Variants in CDH2 observed in about 807,000 individuals in gnomAD.
CDH2 encodes cadherin-2.
In CDH2, 17 loss-of-function variants were observed where a neutral mutation model predicts 92.0. The observed-to-expected ratio is 0.18, with a 90% CI of 0.13 to 0.28. The LOEUF is 0.28. Among genes scored for constraint, CDH2 ranks in the 10% least tolerant of loss-of-function variants. The pLI is 1.00. For synonymous variants in CDH2, 419 were observed against 415.9 expected, an observed-to-expected ratio of 1.01 and a Z score of -0.09; for missense variants, 862 against 1,133.1, an observed-to-expected ratio of 0.76 and a Z score of 3.44.
At chr18:27,945,071 C>T (rs2143839394) in intron 6 of CDH2, among the ~76,000 whole-genome samples, 1 of 152,278 alleles carries the variant, frequency 6.6e-6, no homozygotes, top group Admixed American at 6.5e-5. Context: ...AATAATCTCT[C>T]TCAAACTTGT....
intron 14 of CDH2, among the ~76,000 whole-genome samples, chr18:27,964,329 C>CTAT (rs2011485593): frequency 6.6e-6 from 1 of 152,168 alleles, no homozygotes; most frequent in Non-Finnish European, 1.5e-5. Context: ...GCCCTCAGAA[C>CTAT]TATTTTTAGC....
chr18:28,030,011 T>G (rs1567971255), intron 2 of CDH2, among the ~76,000 whole-genome samples: 1 of 152,124 alleles, frequency 6.6e-6, no homozygotes, highest in African/African-American at 2.4e-5. Context: ...CCATTTACAT[T>G]TCTCAATCTG....
intron 12 of CDH2, 106 bp from the exon 13 acceptor site, chr18:27,985,339 CG>C (rs2143953140): frequency 6.3e-6 from 5 of 788,774 alleles, no homozygotes; most frequent in Non-Finnish European, 8.2e-6. Flanking sequence ...ACACATAAAG[CG>C]GATTACAACT....
chr18:28,143,567 A>C (rs2015987839), intron 2 of CDH2, among the ~76,000 whole-genome samples: 1 of 151,946 alleles, frequency 6.6e-6, no homozygotes. Context: ...CCAATTCGCA[A>C]ACATATCTAG....
At chr18:27,937,236 T>C (rs1898315015) in intron 6 of CDH2, among the ~76,000 whole-genome samples, 1 of 152,180 alleles carries the variant, frequency 6.6e-6, no homozygotes, top group South Asian at 2.1e-4. Context: ...TCCATCTTTA[T>C]GAACATTTTA....
intron 14 of CDH2, among the ~76,000 whole-genome samples, chr18:27,972,266 T>A (rs907553106): frequency 3.3e-5 from 5 of 152,242 alleles, no homozygotes; most frequent in Non-Finnish European, 2.9e-5. Context: ...ATTACCCTTA[T>A]GTCTTCTAAA....
Position 28,009,814 on chromosome 18 carries a change from G to A in CDH2, c.605C>T (p.Ala202Val), listed in dbSNP as rs779081435. The change falls in exon 5 of 16, where the codon GCT becomes GTT. Residue 202 changes from alanine (A) to valine (V), a missense_variant. Around this residue, in one of 5 missense-constraint regions of CDH2, gnomAD observed 21 missense variants for 61.8 expected, o/e 0.34. Transcript: ENST00000269141. ...SLRYSVTGPG[A>V]DQPPTGIFII... ...GAAGATACCAGTTGGAGGCTGGTCAGCTCCTGGCCCAGTTACACTGTACCG... is the reference window on the plus strand; with the variant it reads ...GAAGATACCAGTTGGAGGCTGGTCAACTCCTGGCCCAGTTACACTGTACCG... 2 of 1,613,642 alleles carry A rather than the reference G, an allele frequency of 1.2e-6. No individual in the cohort carries two copies. Among genetic ancestry groups the A allele is most frequent in the African/African-American group, 2.7e-5 (2 of 74,910 alleles).
At chr18:27,971,103 G>A (rs906268494) in intron 14 of CDH2, among the ~76,000 whole-genome samples, 2 of 152,056 alleles carry the variant, frequency 1.3e-5, no homozygotes, top group African/African-American at 4.8e-5. Context: ...GGGCGTCGTG[G>A]CACACGCCTG....
At chr18:27,992,391 T>TACAAAAACTCTCAC (rs1395802687) in intron 9 of CDH2, among the ~76,000 whole-genome samples, 1 of 147,862 alleles carries the variant, frequency 6.8e-6, no homozygotes, top group Non-Finnish European at 1.5e-5. Context: ...AAAACTCTCA[T>TACAAAAACTCTCAC]TCAAAAACTC....
chr18:28,156,392 TGGTACAGAATGTCACCTTCCCA>T (rs1269320262), intron 1 of CDH2, among the ~76,000 whole-genome samples: 12 of 151,340 alleles, frequency 7.9e-5, no homozygotes, highest in African/African-American at 2.4e-4. Context: ...ATACAAAATG[TGGTACAGAATGTCACCTTCCCA>T]GGTACAGAAT....
Position 27,965,990 on chromosome 18 carries a change from GAAAAAAAAAAAAA to G in CDH2, c.2350-2482_2350-2470del, listed in dbSNP as rs373927434. ...GCGACAGAAAGACTCTGTCTAAAAG[GAAAAAAAAAAAAA>G]AAAAAAAAAAAAAGATTTATTCAGA... On this transcript the variant is annotated intron_variant, in intron 14 of 15. Coordinates refer to ENST00000269141, the MANE Select transcript of CDH2 (RefSeq NM_001792.5). Among the ~76,000 whole-genome samples the G allele has an allele frequency of 8.5e-5, 5 of 58,658 alleles. 1 individual carries two copies. The highest frequency in any genetic ancestry group is 3.7e-4 in the African/African-American group (5 of 13,694). 38.5% of individuals were successfully genotyped at this position (58,658 alleles called of 152,430 possible).
intron 2 of CDH2, among the ~76,000 whole-genome samples, chr18:28,049,051 G>A (rs182825501): frequency 2.0e-5 from 3 of 152,138 alleles, no homozygotes; most frequent in Non-Finnish European, 2.9e-5. Flanking sequence ...GATACTCCCA[G>A]TTATTGTACA....
chr18:28,057,109 C>T (rs370696372), intron 2 of CDH2, among the ~76,000 whole-genome samples: 1 of 152,182 alleles, frequency 6.6e-6, no homozygotes, highest in East Asian at 1.9e-4. Context: ...CTGGTACATT[C>T]CTGAGCAAGT....
intron 2 of CDH2, among the ~76,000 whole-genome samples, chr18:28,118,340 C>T (rs1268750749): frequency 1.3e-5 from 2 of 152,084 alleles, no homozygotes; most frequent in Admixed American, 1.3e-4. Context: ...AGCCAAAGTG[C>T]TCCATCTTCT....
downstream of CDH2, among the ~76,000 whole-genome samples, chr18:27,947,622 G>A (rs551752597): frequency 6.6e-6 from 1 of 151,920 alleles, no homozygotes; most frequent in African/African-American, 2.4e-5. Flanking sequence ...ACAAACACAT[G>A]CTTATATGAC....
chr18:27,999,094 T>C (rs2012680586), intron 7 of CDH2, among the ~76,000 whole-genome samples: 1 of 152,194 alleles, frequency 6.6e-6, no homozygotes, highest in Admixed American at 6.5e-5. Context: ...GAACTGGCTC[T>C]CAGAGGGTAA....
At chr18:27,968,820 G>T (rs1273756976) in intron 14 of CDH2, among the ~76,000 whole-genome samples, 2 of 152,058 alleles carry the variant, frequency 1.3e-5, no homozygotes, top group African/African-American at 2.4e-5. Context: ...GGAAGTAAAT[G>T]GACAAAATTC....
chr18:28,034,254 C>T (rs754813881), intron 2 of CDH2, among the ~76,000 whole-genome samples: 18 of 152,084 alleles, frequency 1.2e-4, no homozygotes, highest in East Asian at 1.9e-4. Context: ...ACCATGCATA[C>T]GCTATAGTCT....
intron 1 of CDH2, among the ~76,000 whole-genome samples, chr18:28,160,411 G>C (rs1357691490): frequency 6.6e-6 from 1 of 152,104 alleles, no homozygotes; most frequent in Non-Finnish European, 1.5e-5. Context: ...AACATCTACT[G>C]CCTAAAGACT....
Sources: allele counts gnomAD v4.1 joint callset (sites outside exome capture counted in the v4.1 genomes callset), GRCh38; gene constraint gnomAD v4.1.1; regional missense constraint gnomAD v4.1.1; transcripts MANE v1.5; gene names NCBI Gene and HGNC (gene_info 2026-07-23, HGNC 2026-07-21).